CSMD1: variants seen among roughly 807,000 people sequenced by gnomAD.
The protein encoded by CSMD1 is CUB and Sushi multiple domains 1.
Under a neutral mutation model 417.5 loss-of-function variants are expected in CSMD1, and 213 were observed. The observed-to-expected ratio is 0.51, with a 90% confidence interval of 0.46 to 0.57. The LOEUF (loss-of-function observed/expected upper bound fraction) is 0.57, where lower values mean the gene tolerates loss of function less well. Ranked by LOEUF, CSMD1 falls within the 20% of genes least tolerant of loss-of-function variation. CSMD1 has a pLI of 0.00. For missense variants in CSMD1, 6,923 were observed against 4,529.7 expected (o/e 1.53, Z -15.17); for synonymous variants, 2,862 against 1,736.8 (o/e 1.65, Z -16.11).
rs549596117 is a variant in CSMD1 at position 4,761,768 on chromosome 8, G to C, written c.86-124210C>G. On this transcript the variant is annotated intron_variant, in intron 1 of 69. Transcript: ENST00000635120. The stretch of plus-strand genomic sequence containing the variant: ...TATTTAACTACTGAGCATGTAACTT[G>C]TTTTATCTTTTTGTCTTAATATTGT... 4.6e-5 allele frequency among the ~76,000 whole-genome samples: 7 copies of C among 152,110 alleles called. No individual in the cohort carries two copies. The East Asian group carries it at 5.8e-4, about 13-fold the overall frequency.
At chr8:4,358,579 TAAAGAA>T (rs1309412448) in intron 3 of CSMD1, among the ~76,000 whole-genome samples, 7 of 152,344 alleles carry the variant, frequency 4.6e-5, no homozygotes, top group Middle Eastern at 3.4e-3. Flanking sequence ...TCTGGCCATT[TAAAGAA>T]AAAGTGTGCT....
At chr8:3,474,537 TC>T (rs1424952924) in intron 11 of CSMD1, among the ~76,000 whole-genome samples, 4 of 152,212 alleles carry the variant, frequency 2.6e-5, no homozygotes, top group African/African-American at 4.8e-5. Context: ...TGTGTATAGT[TC>T]ACATTTACTT....
At chr8:3,588,533 C>A (rs1035501539) in intron 8 of CSMD1, among the ~76,000 whole-genome samples, 1 of 152,112 alleles carries the variant, frequency 6.6e-6, no homozygotes, top group Non-Finnish European at 1.5e-5. Flanking sequence ...TATATTTCAA[C>A]GACTGCAGCA....
At chr8:4,574,335 C>G (rs906174370) in intron 2 of CSMD1, among the ~76,000 whole-genome samples, 2 of 152,184 alleles carry the variant, frequency 1.3e-5, no homozygotes, top group Non-Finnish European at 2.9e-5. Flanking sequence ...AGCACCATCC[C>G]TCAACGGCGT....
At chr8:4,264,091 C>G (rs1395245492) in intron 3 of CSMD1, among the ~76,000 whole-genome samples, 1 of 152,124 alleles carries the variant, frequency 6.6e-6, no homozygotes, top group Non-Finnish European at 1.5e-5. Flanking sequence ...ATGATAACAT[C>G]AAACTATCAA....
intron 3 of CSMD1, among the ~76,000 whole-genome samples, chr8:4,174,255 G>A (rs1364758619): frequency 1.2e-4 from 19 of 152,126 alleles, no homozygotes; most frequent in Admixed American, 1.2e-3. Flanking sequence ...AAAAGGAAAT[G>A]AATCTTCAGC....
intron 2 of CSMD1, among the ~76,000 whole-genome samples, chr8:4,585,937 T>G (rs920378207): frequency 1.3e-5 from 2 of 152,206 alleles, no homozygotes; most frequent in African/African-American, 4.8e-5. Context: ...AATAAAATTA[T>G]TGATTTGTGG....
chr8:4,703,135 A>G (rs547573371), intron 1 of CSMD1, among the ~76,000 whole-genome samples: 2 of 152,348 alleles, frequency 1.3e-5, no homozygotes, highest in South Asian at 4.1e-4. Context: ...TAGATGCAAT[A>G]TCTGGCAGAA....
At chr8:4,274,377 T>C (rs889792140) in intron 3 of CSMD1, among the ~76,000 whole-genome samples, 2 of 152,146 alleles carry the variant, frequency 1.3e-5, no homozygotes, top group African/African-American at 2.4e-5. Context: ...GAGCACAAAA[T>C]TAAGATTTTA....
At chr8:4,759,768 T>C (rs1811918124) in intron 1 of CSMD1, among the ~76,000 whole-genome samples, 1 of 152,236 alleles carries the variant, frequency 6.6e-6, no homozygotes, top group African/African-American at 2.4e-5. Context: ...GGCTGCATAG[T>C]ATTCCATAGT....
intron 14 of CSMD1, 120 bp from the exon 15 acceptor site, chr8:3,406,341 A>C (rs1812341318): frequency 4.0e-6 from 3 of 747,654 alleles, no homozygotes; most frequent in Non-Finnish European, 6.0e-6. Flanking sequence ...TAATTATATA[A>C]ATTTCAGTTG....
At chr8:3,252,122 G>A (rs112846416) in intron 26 of CSMD1, among the ~76,000 whole-genome samples, 10,516 of 152,272 alleles carry the variant, frequency 0.069, 388 homozygotes, top group African/African-American at 0.11. Flanking sequence ...GTGAGAGAGC[G>A]CATCCCTGTC....
chr8:3,877,789 G>A (rs1805928857), intron 5 of CSMD1, among the ~76,000 whole-genome samples: 1 of 152,162 alleles, frequency 6.6e-6, no homozygotes. Context: ...GGCATGTTAA[G>A]TTAAATGGAA....
intron 23 of CSMD1, among the ~76,000 whole-genome samples, chr8:3,341,194 G>A (rs1807619320): frequency 2.0e-5 from 3 of 152,090 alleles, no homozygotes; most frequent in Non-Finnish European, 2.9e-5. Context: ...TCTGGGTGAG[G>A]GAGGGTGGAC....
rs780793103 is a variant in CSMD1 at position 3,408,004 on chromosome 8, C to T, written c.1966G>A (p.Gly656Ser). The part of the protein sequence containing the change: ...SDITVLGTFS[G>S]NEVPSQLASS... The stretch of plus-strand genomic sequence containing the variant: ...GCCAGCTGGGAAGGCACTTCATTGC[C>T]AGAAAAAGTACCCAGGACAGTTATG... The change falls in exon 14 of 70, where the codon GGC (glycine) becomes AGC (serine). Residue 656 changes from glycine to serine, a missense_variant. Physicochemically the swap from Gly to Ser is moderately conservative, Grantham distance 56. Transcript: ENST00000635120. 1 of 1,613,848 alleles carries T rather than the reference C, an allele frequency of 6.2e-7. No individual in the cohort carries two copies. The highest frequency in any genetic ancestry group is 1.1e-5 in the South Asian group (1 of 91,070).
intron 3 of CSMD1, among the ~76,000 whole-genome samples, chr8:4,075,916 T>C (rs1420893587): frequency 2.0e-5 from 3 of 152,212 alleles, no homozygotes; most frequent in African/African-American, 7.2e-5. Context: ...AATCCACTGG[T>C]ACTTTATATA....
At chr8:4,277,535 G>C (rs181308812) in intron 3 of CSMD1, among the ~76,000 whole-genome samples, 6 of 152,082 alleles carry the variant, frequency 3.9e-5, no homozygotes, top group African/African-American at 1.4e-4. Context: ...TATCTAGAGA[G>C]TTTTCTTGAA....
At chr8:3,413,239 A>G (rs1381233408) in intron 12 of CSMD1, among the ~76,000 whole-genome samples, 1 of 151,450 alleles carries the variant, frequency 6.6e-6, no homozygotes, top group East Asian at 2.0e-4. Context: ...TTCTCCTTAG[A>G]GTAAAATAAA....
At chr8:4,144,175 C>G (rs562463424) in intron 3 of CSMD1, among the ~76,000 whole-genome samples, 11 of 151,090 alleles carry the variant, frequency 7.3e-5, no homozygotes, top group Admixed American at 3.9e-4. Flanking sequence ...GAAGACAGCA[C>G]GAATTGGCCT....
Sources: gnomAD v4.1 joint callset for allele counts (sites outside exome capture counted in the v4.1 genomes callset) on GRCh38, gnomAD v4.1.1 for gene constraint, MANE v1.5 for transcripts, NCBI Gene and HGNC (gene_info 2026-07-23, HGNC 2026-07-21) for gene names.